WWOX: variants seen among roughly 807,000 people sequenced by gnomAD.
The protein encoded by WWOX is WW domain containing oxidoreductase.
A neutral mutation model predicts 46.2 loss-of-function variants in WWOX; 69 were observed. The observed-to-expected ratio is 1.49, with a 90% CI of 1.23 to 1.82. WWOX has a LOEUF of 1.82. Ranked by LOEUF, WWOX falls within the 40% of genes most tolerant of loss-of-function variation. The pLI is 0.00. For missense variants in WWOX, 919 were observed against 542.6 expected (o/e 1.69, Z -6.89); for synonymous variants, 359 against 202.6 (o/e 1.77, Z -6.56).
At chr16:78,290,575 T>A (rs2079844258) in intron 5 of WWOX, among the ~76,000 whole-genome samples, 1 of 152,094 alleles carries the variant, frequency 6.6e-6, no homozygotes, top group African/African-American at 2.4e-5. Context: ...TCTAAAAAGC[T>A]CCTTAGTGTA....
At chr16:78,791,910 C>G (rs1382093264) in intron 8 of WWOX, among the ~76,000 whole-genome samples, 11 of 152,042 alleles carry the variant, frequency 7.2e-5, no homozygotes, top group African/African-American at 2.2e-4. Flanking sequence ...AACAAACAAA[C>G]AAGAAACAAA....
At chr16:78,318,836 C>CAGTA (rs1266171607) in intron 5 of WWOX, among the ~76,000 whole-genome samples, 34 of 152,122 alleles carry the variant, frequency 2.2e-4, no homozygotes, top group African/African-American at 8.0e-4. Flanking sequence ...TATATAACTA[C>CAGTA]AGTACAGGAT....
chr16:78,710,484 A>ATATATATATATATATT (rs2048418074), intron 8 of WWOX, among the ~76,000 whole-genome samples: 1 of 130,014 alleles, frequency 7.7e-6, no homozygotes, highest in Non-Finnish European at 1.6e-5. Context: ...ATATATATAT[A>ATATATATATATATATT]TATATATATA....
chr16:78,181,700 G>GT (rs906110373), intron 5 of WWOX, among the ~76,000 whole-genome samples: 9 of 152,052 alleles, frequency 5.9e-5, no homozygotes, highest in African/African-American at 9.6e-5. Context: ...GAGTAAATTT[G>GT]TTTTTTTCTG....
At chr16:78,482,652 A>G (rs564786205) in intron 8 of WWOX, among the ~76,000 whole-genome samples, 12 of 152,260 alleles carry the variant, frequency 7.9e-5, no homozygotes, top group African/African-American at 2.9e-4. Context: ...AATTATCCTG[A>G]TTTCCCAGGC....
intron 8 of WWOX, among the ~76,000 whole-genome samples, chr16:79,187,472 C>T (rs1278792216): frequency 1.3e-5 from 2 of 152,204 alleles, no homozygotes; most frequent in Admixed American, 1.3e-4. Context: ...GTGATCTCTG[C>T]TGACTGCATT....
intron 5 of WWOX, among the ~76,000 whole-genome samples, chr16:78,328,245 G>T (rs984783494): frequency 2.0e-5 from 3 of 152,144 alleles, no homozygotes; most frequent in African/African-American, 7.2e-5. Context: ...ACAACAAGTG[G>T]CAGCAAAACT....
At chr16:79,083,134 C>A (rs888304366) in intron 8 of WWOX, among the ~76,000 whole-genome samples, 10 of 152,062 alleles carry the variant, frequency 6.6e-5, no homozygotes, top group African/African-American at 2.4e-4. Flanking sequence ...AGTTGGGAGC[C>A]CAGTGTGAGT....
At chr16:78,154,261 C>T (rs1431772030) in intron 4 of WWOX, among the ~76,000 whole-genome samples, 1 of 152,146 alleles carries the variant, frequency 6.6e-6, no homozygotes, top group East Asian at 1.9e-4. Context: ...TCTGGCTGGT[C>T]ACAAGGCCAC....
chr16:78,650,359 C>T (rs1386372359), intron 8 of WWOX, among the ~76,000 whole-genome samples: 1 of 152,144 alleles, frequency 6.6e-6, no homozygotes, highest in Admixed American at 6.5e-5. Context: ...TCTTAAATTC[C>T]ATAAGCTGGA....
At chr16:78,337,599 C>T (rs187755368) in intron 5 of WWOX, among the ~76,000 whole-genome samples, 2 of 152,200 alleles carry the variant, frequency 1.3e-5, no homozygotes, top group East Asian at 3.9e-4. Flanking sequence ...GAAACCATTC[C>T]AATTTCATAC....
At chr16:78,947,018 G>C (rs1423788557) in intron 8 of WWOX, among the ~76,000 whole-genome samples, 5 of 151,148 alleles carry the variant, frequency 3.3e-5, no homozygotes, top group African/African-American at 1.2e-4. Flanking sequence ...CCTCAGTCTT[G>C]TCTCTGCCTC....
intron 8 of WWOX, among the ~76,000 whole-genome samples, chr16:78,719,236 C>T (rs2142347636): frequency 6.6e-6 from 1 of 152,260 alleles, no homozygotes; most frequent in South Asian, 2.1e-4. Context: ...TAGCACACAG[C>T]CTGGCATACG....
At position 78,757,051 on chromosome 16, in the gene WWOX, C is replaced by G. The variant is rs2049668651; in HGVS notation, c.1056+324299C>G. The G allele has an allele frequency of 5.7e-6, 4 of 702,554 alleles. No individual in the cohort carries two copies. The South Asian group carries it at 5.9e-5, about 10-fold the overall frequency. The allele number at this position is 702,554 out of a possible 1,614,324, so 43.5% of individuals were successfully genotyped here. The stretch of plus-strand genomic sequence containing the variant: ...CACGTTCGAAGTTGATTCTGCAGCC[C>G]TAGTTAAGCCTTGAGGTGATTGCAG... On this transcript the variant is annotated intron_variant, in intron 8 of 8. Transcript: ENST00000566780.
intron 8 of WWOX, among the ~76,000 whole-genome samples, chr16:78,962,582 A>G (rs1433878722): frequency 1.3e-5 from 2 of 152,138 alleles, no homozygotes; most frequent in Admixed American, 1.3e-4. Context: ...AGTGCCCAGA[A>G]AGAATGCCTG....
intron 8 of WWOX, among the ~76,000 whole-genome samples, chr16:79,200,392 T>G (rs2051323315): frequency 6.6e-6 from 1 of 151,972 alleles, no homozygotes; most frequent in Non-Finnish European, 1.5e-5. Context: ...GAGTATGGAG[T>G]TAGAACATTA....
At chr16:78,962,413 T>A (rs2046288807) in intron 8 of WWOX, among the ~76,000 whole-genome samples, 1 of 148,446 alleles carries the variant, frequency 6.7e-6, no homozygotes, top group Admixed American at 6.8e-5. Flanking sequence ...GGCTGAGGAG[T>A]TTTACACATT....
At chr16:79,034,118 A>G (rs1220233445) in intron 8 of WWOX, among the ~76,000 whole-genome samples, 2 of 152,176 alleles carry the variant, frequency 1.3e-5, no homozygotes, top group Admixed American at 6.5e-5. Context: ...GATGCCTTTT[A>G]TTATGCACTC....
In WWOX at chr16:78,968,899, G is replaced by A. The variant is rs138663825; in HGVS notation, c.1057-242709G>A. On this transcript the variant is annotated intron_variant, in intron 8 of 8. Transcript: ENST00000566780. ...TGTTTGTCACATAATACTTCTTCAT[G>A]GAGAAGGCAGTTTCTTAAAGAAAAA... is the stretch of plus-strand genomic sequence containing the variant. Among the ~76,000 whole-genome samples, 313 of 145,340 alleles carry A rather than the reference G, an allele frequency of 2.2e-3. 2 individuals carry two copies. The highest frequency in any genetic ancestry group is 7.6e-3 in the African/African-American group (304 of 39,804).
Sources: gnomAD v4.1 joint callset for allele counts (sites outside exome capture counted in the v4.1 genomes callset) on GRCh38, gnomAD v4.1.1 for gene constraint, MANE v1.5 for transcripts, NCBI Gene and HGNC (gene_info 2026-07-23, HGNC 2026-07-21) for gene names.